The following CPOX variants were observed in gnomAD, a reference collection of about 807,000 sequenced individuals.
The protein encoded by CPOX is coproporphyrinogen oxidase, also known as oxygen-dependent coproporphyrinogen-III oxidase, mitochondrial.
CPOX carries 24 observed loss-of-function variants against 48.9 expected under a neutral mutation model. The ratio of observed to expected loss-of-function variants is 0.49; its 90% confidence interval spans 0.36 to 0.69. CPOX has a LOEUF of 0.69. CPOX is among the 30% of genes least tolerant of loss of function. The probability of loss-of-function intolerance (pLI) is 0.00; values close to 1 mark genes in which losing one functional copy is unlikely to be tolerated. For missense variants in CPOX, 549 were observed against 597.3 expected, an observed-to-expected ratio of 0.92 and a Z score of 0.84; for synonymous variants, 249 against 234.6, an observed-to-expected ratio of 1.06 and a Z score of -0.56.
rs1467581225 is a variant in CPOX, at chr3:98,590,638, C to T, written c.805G>A (p.Ala269Thr). The stretch of plus-strand genomic sequence containing the variant: ...TAGCTCCTGAGACCCTTACCATCAG[C>T]TTCTTCTACTTCAAAGTATCTGTAG... ...FNYRYFEVEE[A>T]DGNKQWWFGG... Residue 269 changes from alanine to threonine, a missense_variant, in exon 3 of 7, where the codon GCT (alanine) becomes ACT (threonine). This residue lies in a region of CPOX where 213 missense variants were observed against 279.1 expected (regional missense o/e 0.76). Coordinates refer to ENST00000647941, the MANE Select transcript of CPOX (RefSeq NM_000097.7). 1 of 1,607,704 alleles carries T rather than the reference C, an allele frequency of 6.2e-7. No homozygotes were observed. Among genetic ancestry groups the T allele is most frequent in the East Asian group, 2.2e-5 (1 of 44,866 alleles).
intron 6 of CPOX, among the ~76,000 whole-genome samples, 163 bp downstream of exon 6, chr3:98,581,244 C>G (rs77135466): frequency 1.3e-5 from 2 of 152,006 alleles, no homozygotes; most frequent in East Asian, 3.9e-4. Context: ...CTTAAAATAC[C>G]CAATTTGATT....
chr3:98,593,579 A>G lies in CPOX; in HGVS notation c.-75T>C. ...TTGAGCCCCCCACCCAGACCCCCGG[A>G]GTATTGAGCCGGCGAGCTGCACAGG... On this transcript the variant is annotated 5_prime_UTR_variant, in exon 1 of 7. Coordinates refer to ENST00000647941, the MANE Select transcript of CPOX (RefSeq NM_000097.7). The G allele has an allele frequency of 1.4e-6, 2 of 1,421,440 alleles. No homozygotes were observed. Among genetic ancestry groups the G allele is most frequent in the Non-Finnish European group, 1.9e-6 (2 of 1,067,006 alleles). 88.1% of individuals were successfully genotyped at this position (1,421,440 alleles called of 1,614,324 possible). A position where few individuals can be genotyped will look rare whatever the true frequency, so the allele number is the denominator to read the frequency against.
chr3:98,580,522 G>T lies in CPOX; in HGVS notation c.*161C>A. 1.4e-6 allele frequency: 2 copies of T among 1,480,452 alleles called. No homozygotes were observed. Among genetic ancestry groups the T allele is most frequent in the Non-Finnish European group, 9.0e-7 (1 of 1,116,544 alleles). 91.7% of individuals were successfully genotyped at this position (1,480,452 alleles called of 1,614,324 possible). A position where few individuals can be genotyped will look rare whatever the true frequency, so the allele number is the denominator to read the frequency against. The stretch of plus-strand genomic sequence containing the variant: ...ATCTGCCATCTCACCATTCATCACT[G>T]ACAGCATCCAAAACATGTTATCATC... On this transcript the variant is annotated 3_prime_UTR_variant, in exon 7 of 7. Transcript: ENST00000647941.
intron 4 of CPOX, among the ~76,000 whole-genome samples, chr3:98,587,382 A>G (rs1707383964): frequency 6.6e-6 from 1 of 151,814 alleles, no homozygotes; most frequent in Non-Finnish European, 1.5e-5. Context: ...TCTGCTGCTT[A>G]CAACAGAATA....
In CPOX at chr3:98,585,557, G is replaced by T. The variant is rs768795093; in HGVS notation, c.1056C>A (p.Arg352=). 6.2e-7 allele frequency: 1 copy of T among 1,614,120 alleles called. No individual in the cohort carries two copies. Among genetic ancestry groups the T allele is most frequent in the Non-Finnish European group, 8.5e-7 (1 of 1,180,034 alleles). ...CAGCCCTGGCACAGCTCTGTACAAAGCGAAACACCTCCTCCTTGGACGGAG... is the reference window on the plus strand; with the variant it reads ...CAGCCCTGGCACAGCTCTGTACAAATCGAAACACCTCCTCCTTGGACGGAG... The part of the protein sequence containing the change: ...LDSPSKEEVF[R]FVQSCARAVV... Residue 352 remains arginine (R), a synonymous_variant, in exon 5 of 7, where the codon CGC becomes CGA. Coordinates refer to ENST00000647941, the MANE Select transcript of CPOX (RefSeq NM_000097.7).
chr3:98,580,595 C>A lies in CPOX; in HGVS notation c.*88G>T. ...GTGGAGAAGACTAAGGCACGGGTAA[C>A]TGCCACACAGTGGCAAAGTGCCGAC... On this transcript the variant is annotated 3_prime_UTR_variant, in exon 7 of 7. Coordinates refer to ENST00000647941, the MANE Select transcript of CPOX (RefSeq NM_000097.7). 1 of 1,602,692 alleles carries A rather than the reference C, an allele frequency of 6.2e-7. No homozygotes were observed. Among genetic ancestry groups the A allele is most frequent in the Admixed American group, 1.7e-5 (1 of 58,604 alleles).
chr3:98,573,584 AC>A, the CPOX span, among the ~76,000 whole-genome samples: 3 of 147,438 alleles, frequency 2.0e-5, no homozygotes, highest in Non-Finnish European at 4.5e-5. Flanking sequence ...CCAAAAAAAA[AC>A]AAACAAAAAA....
At chr3:98,575,851 T>G (rs1172660426), downstream of CPOX, among the ~76,000 whole-genome samples, 3 of 151,376 alleles carry the variant, frequency 2.0e-5, no homozygotes, top group East Asian at 5.9e-4. Context: ...GTGGACCACC[T>G]GAGGTCAGGA....
downstream of CPOX, among the ~76,000 whole-genome samples, chr3:98,578,592 C>A (rs1437750405): frequency 6.6e-6 from 1 of 152,184 alleles, no homozygotes; most frequent in Admixed American, 6.5e-5. Context: ...CTTTTGTCCC[C>A]TTTCACAAAT....
chr3:98,579,195 G>T (rs1707205074), downstream of CPOX, among the ~76,000 whole-genome samples: 1 of 152,114 alleles, frequency 6.6e-6, no homozygotes, highest in Non-Finnish European at 1.5e-5. Context: ...TCTTTAGCTT[G>T]TAAGAAGAGT....
the CPOX span, among the ~76,000 whole-genome samples, chr3:98,573,836 C>T: frequency 2.1e-4 from 32 of 152,130 alleles, no homozygotes; most frequent in African/African-American, 6.3e-4. Context: ...TATTTGGAAA[C>T]AACCATTGTA....
the CPOX span, among the ~76,000 whole-genome samples, chr3:98,571,502 A>C: frequency 6.6e-6 from 1 of 151,274 alleles, no homozygotes; most frequent in Non-Finnish European, 1.5e-5. Context: ...TCCCGGCTAA[A>C]ACGGTGAAAC....
chr3:98,590,106 T>C (rs1366737861), intron 3 of CPOX, among the ~76,000 whole-genome samples: 1 of 152,200 alleles, frequency 6.6e-6, no homozygotes, highest in African/African-American at 2.4e-5. Flanking sequence ...TTGGAGGAAA[T>C]ATGGGAAGGT....
intron 5 of CPOX, among the ~76,000 whole-genome samples, chr3:98,585,196 A>G (rs144908468): frequency 6.6e-6 from 1 of 152,358 alleles, no homozygotes; most frequent in East Asian, 1.9e-4. Flanking sequence ...AATCAGCAGA[A>G]TTAAATTCAG....
rs766866601 is a variant in CPOX at position 98,590,077 on chromosome 3, C to G, written c.811+555G>C. Among the ~76,000 whole-genome samples, 11 of 152,340 alleles carry G rather than the reference C, an allele frequency of 7.2e-5. 1 individual carries two copies. In the South Asian group the frequency reaches 1.2e-3, roughly 17 times the overall value. ...AGAACTCTGGGTGCACACTAAAGTT[C>G]AGGTTCATTCCTTCTATGTTGGAGG... On this transcript the variant is annotated intron_variant, in intron 3 of 6. Transcript: ENST00000647941.
rs1707241920 is a variant in CPOX at position 98,580,666 on chromosome 3, C to G, written c.*17G>C. The G allele has an allele frequency of 1.2e-6, 2 of 1,613,984 alleles. No individual in the cohort carries two copies. Among genetic ancestry groups the G allele is most frequent in the Admixed American group, 1.7e-5 (1 of 60,004 alleles). ...ATCGTGTGCCCTCCAAACCCCTGCA[C>G]AGCCATTCTGCCTGCATCAACGCAC... is the stretch of plus-strand genomic sequence containing the variant. On this transcript the variant is annotated 3_prime_UTR_variant, in exon 7 of 7. Coordinates refer to ENST00000647941, the MANE Select transcript of CPOX (RefSeq NM_000097.7).
At position 98,580,354 on chromosome 3, in the gene CPOX, CAAG is replaced by C. The variant is rs951311292; in HGVS notation, c.*326_*328del. ...CTTTAAAAAATACATGAAACAAAAA[CAAG>C]ATGAGAGATTTCCTGATACATATAA... On this transcript the variant is annotated 3_prime_UTR_variant, in exon 7 of 7. Coordinates refer to ENST00000647941, the MANE Select transcript of CPOX (RefSeq NM_000097.7). The C allele has an allele frequency of 9.9e-7, 1 of 1,012,090 alleles. No individual in the cohort carries two copies. The highest frequency in any genetic ancestry group is 1.7e-5 in the African/African-American group (1 of 58,338). The allele number at this position is 1,012,090 out of a possible 1,614,324, so 62.7% of individuals were successfully genotyped here.
chr3:98,580,653 C>T lies in CPOX; in HGVS notation c.*30G>A. On this transcript the variant is annotated 3_prime_UTR_variant, in exon 7 of 7. Coordinates refer to ENST00000647941, the MANE Select transcript of CPOX (RefSeq NM_000097.7). ...ATGGGGAGCACACATCGTGTGCCCTCCAAACCCCTGCACAGCCATTCTGCC... is the reference window on the plus strand; with the variant it reads ...ATGGGGAGCACACATCGTGTGCCCTTCAAACCCCTGCACAGCCATTCTGCC... 2 of 1,613,702 alleles carry T rather than the reference C, an allele frequency of 1.2e-6. No individual in the cohort carries two copies. Among genetic ancestry groups the T allele is most frequent in the South Asian group, 2.2e-5 (2 of 91,012 alleles).
At chr3:98,583,141 A>C (rs893543450) in intron 5 of CPOX, among the ~76,000 whole-genome samples, 3 of 152,128 alleles carry the variant, frequency 2.0e-5, no homozygotes, top group Non-Finnish European at 2.9e-5. Context: ...TTCCTTAATG[A>C]ATTTTCTGTT....
Sources: gnomAD v4.1 joint callset for allele counts (sites outside exome capture counted in the v4.1 genomes callset) on GRCh38, gnomAD v4.1.1 for gene constraint, gnomAD v4.1.1 regional missense constraint, MANE v1.5 for transcripts, NCBI Gene and HGNC (gene_info 2026-07-23, HGNC 2026-07-21) for gene names.